CLTCL1: variants seen among roughly 807,000 people sequenced by gnomAD.
CLTCL1 encodes the protein clathrin heavy chain 2.
Under a neutral mutation model 190.0 loss-of-function variants are expected in CLTCL1, and 159 were observed. The ratio of observed to expected loss-of-function variants is 0.84; its 90% CI spans 0.74 to 0.95. The LOEUF is 0.95. CLTCL1 is among the 40% of genes least tolerant of loss of function. CLTCL1 has a pLI of 0.00. For missense variants in CLTCL1, 1,878 were observed against 2,033.4 expected (o/e 0.92, Z 1.47); for synonymous variants, 752 against 769.6 (o/e 0.98, Z 0.38).
Position 19,187,470 on chromosome 22 carries a change from G to A in CLTCL1, c.4605+88C>T, listed in dbSNP as rs925146645. On this transcript the variant is annotated intron_variant, in intron 29 of 32. Transcript: ENST00000427926. ...GGTGAAGCTCAGAGCCAGGTCTCAG[G>A]AACAAGAGGGAAGGGATGTGACCCC... 15 of 1,393,406 alleles carry A rather than the reference G, an allele frequency of 1.1e-5. No homozygotes were observed. The Middle Eastern group carries it at 7.9e-4, about 73-fold the overall frequency. The allele number at this position is 1,393,406 out of a possible 1,614,324, so 86.3% of individuals were successfully genotyped here.
chr22:19,285,516 A>C (rs1555989640), intron 1 of CLTCL1, among the ~76,000 whole-genome samples: 1 of 152,202 alleles, frequency 6.6e-6, no homozygotes, highest in African/African-American at 2.4e-5. Context: ...ACAAGACTCT[A>C]TATTTATCCC....
chr22:19,235,275 T>C (rs1366861886), intron 6 of CLTCL1, among the ~76,000 whole-genome samples: 3 of 152,132 alleles, frequency 2.0e-5, no homozygotes, highest in Non-Finnish European at 4.4e-5. Context: ...GCTCAAGCCA[T>C]CCTCCTGCCT....
In CLTCL1 at chr22:19,242,776, T is replaced by C. The variant is rs1555966053; in HGVS notation, c.680A>G (p.Lys227Arg). The C allele has an allele frequency of 6.2e-7, 1 of 1,613,768 alleles. No homozygotes were observed. The highest frequency in any genetic ancestry group is 1.3e-5 in the African/African-American group (1 of 74,884). The part of the protein sequence containing the change: ...CFAVRNPTGG[K>R]LHIIEVGQPA... The stretch of plus-strand genomic sequence containing the variant: ...AGAAGACAGTAGAGTGGATCTTACC[T>C]TGCCTCCTGTGGGATTACGTACAGC... The change falls in exon 4 of 33, where the codon AAG becomes AGG. Residue 227 changes from lysine to arginine, a missense_variant and splice_region_variant. Lys to Arg is a conservative substitution (Grantham distance 26). Coordinates refer to ENST00000427926, the MANE Select transcript of CLTCL1 (RefSeq NM_007098.4).
At chr22:19,274,694 T>G (rs1260094662) in intron 2 of CLTCL1, among the ~76,000 whole-genome samples, 1 of 151,874 alleles carries the variant, frequency 6.6e-6, no homozygotes, top group East Asian at 1.9e-4. Flanking sequence ...ATTCACAAAT[T>G]TTACCTCCAG....
rs949278260 is a variant in CLTCL1, at chr22:19,187,736, G to A, written c.4435-8C>T. The A allele has an allele frequency of 6.2e-7, 1 of 1,612,236 alleles. No homozygotes were observed. On this transcript the variant is annotated splice_polypyrimidine_tract_variant and splice_region_variant and intron_variant, in intron 28 of 32. Transcript: ENST00000427926. ...GATAGATGCCCTTAAGCCCTAGGAA[G>A]ACAGCCTTTCTGTGAGGGATGGGAC...
chr22:19,183,039 C>G, intron 30 of CLTCL1: 1 of 306,754 alleles, frequency 3.3e-6, no homozygotes, highest in South Asian at 3.4e-5. Flanking sequence ...CCTCAGGGAG[C>G]TGGGATTGCC....
intron 2 of CLTCL1, among the ~76,000 whole-genome samples, chr22:19,273,721 C>T (rs556186954): frequency 3.3e-5 from 5 of 152,198 alleles, no homozygotes; most frequent in South Asian, 2.1e-4. Context: ...TATTGAGATA[C>T]GCAATCATAA....
intron 27 of CLTCL1, among the ~76,000 whole-genome samples, chr22:19,190,345 C>T (rs114154874): frequency 1.4e-4 from 22 of 152,274 alleles, no homozygotes; most frequent in Non-Finnish European, 1.8e-4. Context: ...GGCCAGTCAG[C>T]GGAGCAGTCA....
In CLTCL1 at chr22:19,231,079, G is replaced by A. The variant is rs563802193; in HGVS notation, c.1645-1104C>T. ...GTTCTCAGGCCATTGGCCTCAGACT[G>A]AGAGTTACGCCTTCAGCTTCCCTGG... On this transcript the variant is annotated intron_variant, in intron 10 of 32. Transcript: ENST00000427926. 1.4e-4 allele frequency among the ~76,000 whole-genome samples: 21 copies of A among 152,304 alleles called. 1 individual carries two copies. In the South Asian group the frequency reaches 4.1e-3, roughly 30 times the overall value.
intron 23 of CLTCL1, 23 bp downstream of exon 23, chr22:19,201,306 G>A (rs376452834): frequency 2.1e-4 from 329 of 1,595,326 alleles, no homozygotes; most frequent in Non-Finnish European, 2.7e-4. Context: ...ACACTCTGCC[G>A]TCTGCAGTTG....
chr22:19,235,620 T>C, intron 6 of CLTCL1, 76 bp downstream of exon 6: 1 of 1,423,904 alleles, frequency 7.0e-7, no homozygotes, highest in Non-Finnish European at 9.6e-7. Flanking sequence ...GCTGCTTTCC[T>C]AGAGAAGGGG....
chr22:19,196,425 G>C lies in CLTCL1; in HGVS notation c.4042-10C>G, dbSNP rs782802805. On this transcript the variant is annotated splice_polypyrimidine_tract_variant and intron_variant, in intron 25 of 32. Coordinates refer to ENST00000427926, the MANE Select transcript of CLTCL1 (RefSeq NM_007098.4). Reference sequence around the variant, plus strand: ...CTGCAGCCCTCAGCACCTGGACAAGGAGGTCAGGGTCGGCTTGTGCTGCAC... The same window carrying C: ...CTGCAGCCCTCAGCACCTGGACAAGCAGGTCAGGGTCGGCTTGTGCTGCAC... 1.9e-6 allele frequency: 3 copies of C among 1,613,930 alleles called. No homozygotes were observed. In the South Asian group the frequency reaches 3.3e-5, roughly 18 times the overall value.
chr22:19,257,743 T>G, intron 2 of CLTCL1: 2 of 1,313,880 alleles, frequency 1.5e-6, no homozygotes, highest in Non-Finnish European at 1.0e-6. Flanking sequence ...CTGGCAGGAA[T>G]AGGGGGCATC....
chr22:19,265,041 G>A (rs2146205821), intron 2 of CLTCL1, among the ~76,000 whole-genome samples: 1 of 152,212 alleles, frequency 6.6e-6, no homozygotes, highest in Non-Finnish European at 1.5e-5. Context: ...CACCTACCTT[G>A]TGCTCCCAAA....
At position 19,267,237 on chromosome 22, in the gene CLTCL1, G is replaced by T. The variant is rs1192359083; in HGVS notation, c.250+8386C>A. Among the ~76,000 whole-genome samples the T allele has an allele frequency of 4.0e-5, 6 of 151,820 alleles. No homozygotes were observed. The East Asian group carries it at 1.2e-3, about 29-fold the overall frequency. On this transcript the variant is annotated intron_variant, in intron 2 of 32. Transcript: ENST00000427926. ...GTCTGTATATAATAACATAAAAAAA[G>T]AATAAAATACTTGGGAATAAATTTA... is the stretch of plus-strand genomic sequence containing the variant.
chr22:19,210,440 G>T lies in CLTCL1; in HGVS notation c.3135C>A (p.Ser1045Arg). 6.2e-7 allele frequency: 1 copy of T among 1,614,032 alleles called. No individual in the cohort carries two copies. ...CCAGTGCGTCATAGTTGTCCAGGCGGCTGATGTACTCCATGACCCGTGTGC... is the reference window on the plus strand; with the variant it reads ...CCAGTGCGTCATAGTTGTCCAGGCGTCTGATGTACTCCATGACCCGTGTGC... ...ADRTRVMEYI[S>R]RLDNYDALDI... The change falls in exon 20 of 33, where the codon AGC becomes AGA. Residue 1045 changes from serine (S) to arginine (R), a missense_variant. By Grantham distance (110) the Ser-to-Arg change is moderately radical (BLOSUM62 -1). Transcript: ENST00000427926.
chr22:19,255,722 C>T (rs1270412698), intron 2 of CLTCL1, among the ~76,000 whole-genome samples: 1 of 151,054 alleles, frequency 6.6e-6, no homozygotes, highest in African/African-American at 2.4e-5. Context: ...ACAGCCTGGC[C>T]AACATGGTGA....
In CLTCL1 at chr22:19,208,215, G is replaced by A. The variant is rs782699251; in HGVS notation, c.3539C>T (p.Thr1180Ile). The change falls in exon 22 of 33, where the codon ACC becomes ATC. Residue 1180 changes from threonine (T) to isoleucine (I), a missense_variant. Thr to Ile is a moderately conservative substitution (Grantham distance 89). Coordinates refer to ENST00000427926, the MANE Select transcript of CLTCL1 (RefSeq NM_007098.4). ...ATCTTCTAGCTCAGAAACACGGCTG[G>A]TTTTAGCCAAGGCAAAAATAAGTTC... Reference protein sequence around the residue: ...ETELIFALAKTSRVSELEDFI... With the variant: ...ETELIFALAKISRVSELEDFI... 1 of 1,613,730 alleles carries A rather than the reference G, an allele frequency of 6.2e-7. No homozygotes were observed. Among genetic ancestry groups the A allele is most frequent in the Non-Finnish European group, 8.5e-7 (1 of 1,179,906 alleles).
chr22:19,240,705 A>T (rs2086226221), intron 4 of CLTCL1, among the ~76,000 whole-genome samples: 1 of 152,204 alleles, frequency 6.6e-6, no homozygotes, highest in African/African-American at 2.4e-5. Flanking sequence ...GTGAGGTGAG[A>T]AAGGCTTAGT....
Sources: allele counts gnomAD v4.1 joint callset (sites outside exome capture counted in the v4.1 genomes callset), GRCh38; gene constraint gnomAD v4.1.1; transcripts MANE v1.5; gene names NCBI Gene and HGNC (gene_info 2026-07-23, HGNC 2026-07-21).